LRBA: variants seen among roughly 807,000 people sequenced by gnomAD.
LRBA encodes LPS responsive beige-like anchor protein.
A neutral mutation model predicts 330.0 loss-of-function variants in LRBA; 176 were observed. The observed-to-expected ratio is 0.53, with a 90% CI of 0.47 to 0.60. The LOEUF (loss-of-function observed/expected upper bound fraction) is 0.60. Ranked by LOEUF, LRBA falls within the 20% of genes least tolerant of loss-of-function variation. The pLI, the probability that LRBA is intolerant of heterozygous loss-of-function variation, is 0.00. For missense variants in LRBA, 3,259 were observed against 3,444.8 expected (o/e 0.95, Z 1.35); for synonymous variants, 1,230 against 1,193.0 (o/e 1.03, Z -0.64).
chr4:150,488,500 C>T (rs1331535587), intron 41 of LRBA, among the ~76,000 whole-genome samples: 2 of 151,522 alleles, frequency 1.3e-5, no homozygotes, highest in Non-Finnish European at 3.0e-5. Context: ...ATTTCACATA[C>T]ATGAGAATAC....
chr4:150,883,714 CT>C (rs1212490949), intron 17 of LRBA, among the ~76,000 whole-genome samples: 1 of 152,138 alleles, frequency 6.6e-6, no homozygotes. Context: ...TCATTTTAAA[CT>C]ACATAACTAA....
At chr4:150,907,014 C>T (rs1731403590) in intron 11 of LRBA, among the ~76,000 whole-genome samples, 1 of 151,234 alleles carries the variant, frequency 6.6e-6, no homozygotes, top group Non-Finnish European at 1.5e-5. Flanking sequence ...CAGTCTCGAA[C>T]ACTTTTAAAA....
At position 150,487,747 on chromosome 4, in the gene LRBA, C is replaced by A; in HGVS notation, c.6536G>T (p.Gly2179Val). 6.3e-7 allele frequency: 1 copy of A among 1,596,282 alleles called. No homozygotes were observed. The highest frequency in any genetic ancestry group is 8.6e-7 in the Non-Finnish European group (1 of 1,167,550). Residue 2179 changes from glycine (G) to valine (V), a missense_variant, in exon 42 of 57, where the codon GGA becomes GTA. Coordinates refer to ENST00000651943, the MANE Select transcript of LRBA (RefSeq NM_001364905.1). ...AAAACAGTACCTGGTTTGAGGCAAT[C>A]CAAAACTTGTTCCAACGCCAACACG... ...LPRVGVGTSF[G>V]LPQTRRISLA...
intron 56 of LRBA, among the ~76,000 whole-genome samples, chr4:150,270,013 C>A (rs973064743): frequency 6.6e-6 from 1 of 152,142 alleles, no homozygotes; most frequent in African/African-American, 2.4e-5. Flanking sequence ...AAGACAACAT[C>A]ACTGATCATT....
chr4:150,833,130 T>A (rs1167429117), intron 28 of LRBA, among the ~76,000 whole-genome samples: 1 of 151,632 alleles, frequency 6.6e-6, no homozygotes, highest in Non-Finnish European at 1.5e-5. Context: ...ATATCAAGAT[T>A]TAAAAAAAAA....
chr4:150,689,686 GAGGCTGTGAC>G (rs1783946836), intron 36 of LRBA, among the ~76,000 whole-genome samples: 1 of 152,144 alleles, frequency 6.6e-6, no homozygotes, highest in Non-Finnish European at 1.5e-5. Flanking sequence ...AGCACTTAGG[GAGGCTGTGAC>G]AGGAGGATCG....
At chr4:150,371,182 ATTTTTTTTTTTTTTTT>A (rs70937395) in intron 47 of LRBA, among the ~76,000 whole-genome samples, 1 of 91,898 alleles carries the variant, frequency 1.1e-5, no homozygotes, top group African/African-American at 4.8e-5. Context: ...AAGCTACTAA[ATTTTTTTTTTTTTTTT>A]TTTTTTTTTT....
chr4:150,693,480 C>T (rs1185802677), intron 36 of LRBA, among the ~76,000 whole-genome samples: 2 of 140,178 alleles, frequency 1.4e-5, no homozygotes, highest in East Asian at 2.1e-4. Context: ...AGGAGAATGG[C>T]GTGAACCCGG....
intron 36 of LRBA, among the ~76,000 whole-genome samples, chr4:150,685,435 T>TATAC (rs1783524671): frequency 4.1e-5 from 3 of 73,384 alleles, no homozygotes; most frequent in African/African-American, 1.6e-4. Flanking sequence ...TTTTTTTTTT[T>TATAC]TTTTTTTTTT....
intron 37 of LRBA, among the ~76,000 whole-genome samples, chr4:150,653,554 C>T (rs978627081): frequency 2.6e-5 from 4 of 152,100 alleles, no homozygotes; most frequent in Non-Finnish European, 5.9e-5. Flanking sequence ...TTTTCACTGG[C>T]AAATGATATT....
chr4:150,720,954 A>AATTG (rs1728853186), intron 36 of LRBA: 13 of 448,588 alleles, frequency 2.9e-5, no homozygotes, highest in Non-Finnish European at 4.9e-5. Context: ...AGTGTTACCC[A>AATTG]ACAATATTAA....
chr4:150,897,149 T>C (rs2077608544), intron 15 of LRBA, among the ~76,000 whole-genome samples: 4 of 151,980 alleles, frequency 2.6e-5, no homozygotes, highest in Non-Finnish European at 5.9e-5. Flanking sequence ...AAAAGTTAGG[T>C]TCACTTGCCA....
At chr4:150,656,206 T>C (rs1164740161) in intron 37 of LRBA, among the ~76,000 whole-genome samples, 1 of 152,262 alleles carries the variant, frequency 6.6e-6, no homozygotes, top group African/African-American at 2.4e-5. Flanking sequence ...TTGGTGTTGC[T>C]TTCATTTTGT....
intron 30 of LRBA, among the ~76,000 whole-genome samples, chr4:150,817,709 C>A (rs1395708022): frequency 6.7e-6 from 1 of 150,184 alleles, no homozygotes; most frequent in Non-Finnish European, 1.5e-5. Flanking sequence ...CATTTTTAAA[C>A]CCCAAAGACT....
chr4:150,265,781 T>C lies in LRBA; in HGVS notation c.8500A>G (p.Ile2834Val). ...CIISGMASGS[I>V]VLFYNDFNRW... ...TTAAAGTCGTTGTAAAATAGCACAA[T>C]GCTTCCTGAAGCCATGCCAGAAATG... The change falls in exon 57 of 57, where the codon ATT becomes GTT. Residue 2834 changes from isoleucine to valine, a missense_variant. Physicochemically the swap from Ile to Val is conservative, Grantham distance 29. Transcript: ENST00000651943. 2 of 1,613,558 alleles carry C rather than the reference T, an allele frequency of 1.2e-6. No individual in the cohort carries two copies. The highest frequency in any genetic ancestry group is 2.2e-5 in the South Asian group (2 of 91,058).
intron 31 of LRBA, among the ~76,000 whole-genome samples, chr4:150,815,353 GAA>G (rs751501832): frequency 1.6e-5 from 2 of 127,098 alleles, no homozygotes; most frequent in Non-Finnish European, 1.7e-5. Context: ...TTCTCCAAAG[GAA>G]AAAAAAAAAA....
At chr4:150,315,645 GA>G in intron 50 of LRBA, 22 bp from the exon 51 acceptor site, 2 of 1,510,770 alleles carry the variant, frequency 1.3e-6, no homozygotes, top group Non-Finnish European at 1.8e-6. Context: ...AAAAGATAAA[GA>G]AAAAAGGCAT....
Position 150,435,651 on chromosome 4 carries a change from G to T in LRBA, c.6979C>A (p.Arg2327=), listed in dbSNP as rs773780828. 2.2e-5 allele frequency: 35 copies of T among 1,612,024 alleles called. No individual in the cohort carries two copies. In the East Asian group the frequency reaches 6.9e-4, roughly 32 times the overall value. Residue 2327 remains arginine, a synonymous_variant, in exon 46 of 57, where the codon CGA becomes AGA. Transcript: ENST00000651943. ...LQGGKFDHAD[R]TFSSISRAWR... ...GCTCTGGAAATTGATGAAAAAGTTCGATCTGCATGATCAAATTTGCCTCCT... is the reference window on the plus strand; with the variant it reads ...GCTCTGGAAATTGATGAAAAAGTTCTATCTGCATGATCAAATTTGCCTCCT...
At chr4:150,840,700 A>G (rs1748939124) in intron 28 of LRBA, 1 of 160,154 alleles carries the variant, frequency 6.2e-6, no homozygotes, top group South Asian at 1.7e-4. Context: ...TGTAAGAATT[A>G]CCAATATATG....
Sources: allele counts gnomAD v4.1 joint callset (sites outside exome capture counted in the v4.1 genomes callset), GRCh38; gene constraint gnomAD v4.1.1; transcripts MANE v1.5; gene names NCBI Gene and HGNC (gene_info 2026-07-23, HGNC 2026-07-21).